LHFPL2: variants seen among roughly 807,000 people sequenced by gnomAD.
LHFPL2 encodes LHFPL tetraspan subfamily member 2, also known as LHFPL tetraspan subfamily member 2 protein.
Under a neutral mutation model 17.5 loss-of-function variants are expected in LHFPL2, and 7 were observed. The observed-to-expected ratio is 0.40, with a 90% CI of 0.23 to 0.75. The LOEUF (loss-of-function observed/expected upper bound fraction) is 0.75. Ranked by LOEUF, LHFPL2 falls within the 30% of genes least tolerant of loss-of-function variation. The pLI is 0.37. For synonymous variants in LHFPL2, 134 were observed against 116.2 expected (o/e 1.15, Z -0.99); for missense variants, 241 against 294.8 (o/e 0.82, Z 1.34).
At chr5:78,619,646 C>T (rs1467793888) in intron 2 of LHFPL2, among the ~76,000 whole-genome samples, 2 of 100,146 alleles carry the variant, frequency 2.0e-5, no homozygotes, top group African/African-American at 7.7e-5. Flanking sequence ...TGCTATCCCT[C>T]CCCCCTCCCC....
intron 3 of LHFPL2, among the ~76,000 whole-genome samples, chr5:78,522,656 T>C (rs530972152): frequency 2.0e-5 from 3 of 152,206 alleles, no homozygotes; most frequent in Admixed American, 6.5e-5. Context: ...GTTGAAGTAC[T>C]GGACAATGGG....
chr5:78,607,808 G>C (rs2112481602), intron 2 of LHFPL2, among the ~76,000 whole-genome samples: 1 of 152,298 alleles, frequency 6.6e-6, no homozygotes, highest in Non-Finnish European at 1.5e-5. Flanking sequence ...CTAAGCCGAA[G>C]GTACCTATGC....
chr5:78,511,240 C>T (rs555561451), intron 3 of LHFPL2, among the ~76,000 whole-genome samples: 3 of 152,308 alleles, frequency 2.0e-5, no homozygotes, highest in Admixed American at 6.5e-5. Flanking sequence ...AAGAATGCAT[C>T]CCTTGAATTG....
intron 1 of LHFPL2, among the ~76,000 whole-genome samples, chr5:78,638,314 A>G (rs1009660675): frequency 1.3e-5 from 2 of 152,158 alleles, no homozygotes; most frequent in Non-Finnish European, 2.9e-5. Context: ...AGATGGCACC[A>G]CTGCACTCCA....
chr5:78,628,474 A>G (rs1004080846), intron 2 of LHFPL2, among the ~76,000 whole-genome samples: 1 of 152,232 alleles, frequency 6.6e-6, no homozygotes. Flanking sequence ...CTTCAGAGAC[A>G]TCCCCTTTGA....
At chr5:78,501,248 G>T (rs752505852) in intron 4 of LHFPL2, among the ~76,000 whole-genome samples, 1 of 152,132 alleles carries the variant, frequency 6.6e-6, no homozygotes, top group Non-Finnish European at 1.5e-5. Context: ...TTTAATACAA[G>T]AAGGGTGAAG....
intron 4 of LHFPL2, among the ~76,000 whole-genome samples, chr5:78,495,568 C>A (rs1580743220): frequency 6.6e-6 from 1 of 152,158 alleles, no homozygotes; most frequent in Admixed American, 6.5e-5. Flanking sequence ...ATTCTAAGAA[C>A]AGAAACAAAA....
chr5:78,499,151 A>G (rs1312514585), intron 4 of LHFPL2, among the ~76,000 whole-genome samples: 1 of 152,228 alleles, frequency 6.6e-6, no homozygotes, highest in Non-Finnish European at 1.5e-5. Context: ...TAAAAATGAT[A>G]GACTCTAAAG....
At chr5:78,616,740 A>G (rs1198281660) in intron 2 of LHFPL2, among the ~76,000 whole-genome samples, 1 of 152,074 alleles carries the variant, frequency 6.6e-6, no homozygotes, top group Non-Finnish European at 1.5e-5. Context: ...AGTTCCTGAT[A>G]TGAGTCTGAC....
Position 78,486,825 on chromosome 5 carries a change from G to T in LHFPL2, c.*2072C>A, listed in dbSNP as rs766815549. On this transcript the variant is annotated 3_prime_UTR_variant, in exon 5 of 5. Transcript: ENST00000380345. ...ATCCTGTGAGCTTAGGACTTAACTT[G>T]TAAGGACACTGAGATTGTAAACCTA... 3 of 152,178 alleles carry T rather than the reference G, an allele frequency of 2.0e-5. No homozygotes were observed. The highest frequency in any genetic ancestry group is 2.9e-5 in the Non-Finnish European group (2 of 68,040). The allele number at this position is 152,178 out of a possible 1,614,324, so 9.4% of individuals were successfully genotyped here. A position where few individuals can be genotyped will look rare whatever the true frequency, so the allele number is the denominator to read the frequency against.
intron 3 of LHFPL2, among the ~76,000 whole-genome samples, chr5:78,546,741 T>G (rs993767016): frequency 6.6e-6 from 1 of 152,228 alleles, no homozygotes; most frequent in African/African-American, 2.4e-5. Context: ...TACGAGTTTC[T>G]TGATGACATA....
At chr5:78,631,704 C>A (rs879858337) in intron 2 of LHFPL2, among the ~76,000 whole-genome samples, 1 of 152,128 alleles carries the variant, frequency 6.6e-6, no homozygotes, top group South Asian at 2.1e-4. Context: ...GGGAGGCCAA[C>A]GCAGGCGGAT....
At chr5:78,585,364 G>A (rs901551325) in intron 2 of LHFPL2, among the ~76,000 whole-genome samples, 7 of 150,970 alleles carry the variant, frequency 4.6e-5, no homozygotes, top group African/African-American at 7.3e-5. Flanking sequence ...GGAGTGACCC[G>A]ATTTTCCAGG....
intron 3 of LHFPL2, among the ~76,000 whole-genome samples, chr5:78,532,912 G>A (rs991287660): frequency 2.8e-4 from 42 of 152,294 alleles, no homozygotes; most frequent in African/African-American, 9.9e-4. Context: ...CTGACAGCAC[G>A]TGGGCCTGCT....
intron 1 of LHFPL2, among the ~76,000 whole-genome samples, chr5:78,638,881 TG>T (rs1197462270): frequency 6.6e-6 from 1 of 152,112 alleles, no homozygotes; most frequent in East Asian, 1.9e-4. Context: ...CAAGAAGAAA[TG>T]AAAGTCTCAT....
chr5:78,575,391 A>G (rs1757103618), intron 2 of LHFPL2, among the ~76,000 whole-genome samples: 1 of 152,104 alleles, frequency 6.6e-6, no homozygotes, highest in African/African-American at 2.4e-5. Context: ...TACTAAAAAT[A>G]CAAAAAAATT....
intron 1 of LHFPL2, among the ~76,000 whole-genome samples, chr5:78,645,591 C>CACACACACAT (rs1195015805): frequency 5.5e-5 from 7 of 126,592 alleles, no homozygotes; most frequent in African/African-American, 1.8e-4. Context: ...CACACACACA[C>CACACACACAT]ATTTTTTTTG....
chr5:78,586,115 A>G (rs1580834885), intron 2 of LHFPL2, among the ~76,000 whole-genome samples: 1 of 152,234 alleles, frequency 6.6e-6, no homozygotes, highest in East Asian at 1.9e-4. Context: ...AATGTAATGA[A>G]CTAATCAAGA....
At chr5:78,497,002 GC>G (rs568396411) in intron 4 of LHFPL2, among the ~76,000 whole-genome samples, 2 of 152,278 alleles carry the variant, frequency 1.3e-5, no homozygotes, top group South Asian at 4.1e-4. Flanking sequence ...TGTCTACTTG[GC>G]CTCTAGCAAG....
Sources: gnomAD v4.1 joint callset for allele counts (sites outside exome capture counted in the v4.1 genomes callset) on GRCh38, gnomAD v4.1.1 for gene constraint, MANE v1.5 for transcripts, NCBI Gene and HGNC (gene_info 2026-07-23, HGNC 2026-07-21) for gene names.